The following FNDC3B variants were observed in gnomAD, a reference collection of about 807,000 sequenced individuals.
The protein encoded by FNDC3B is fibronectin type III domain containing 3B.
Under a neutral mutation model 151.5 loss-of-function variants are expected in FNDC3B, and 12 were observed. That is an observed-to-expected ratio of 0.08 (90% CI 0.05 to 0.13). The LOEUF (loss-of-function observed/expected upper bound fraction) is 0.13, where lower values mean the gene tolerates loss of function less well. Among genes scored for constraint, FNDC3B ranks in the 10% least tolerant of loss-of-function variants. The pLI, the probability that FNDC3B is intolerant of heterozygous loss-of-function variation, is 1.00. For missense variants in FNDC3B, 1,214 were observed against 1,505.3 expected (o/e 0.81, Z 3.20); for synonymous variants, 528 against 549.0 (o/e 0.96, Z 0.54).
chr3:172,292,250 C>T (rs1016030279), intron 7 of FNDC3B, among the ~76,000 whole-genome samples: 3 of 152,196 alleles, frequency 2.0e-5, no homozygotes, highest in African/African-American at 7.2e-5. Flanking sequence ...GGAAAGAATT[C>T]ACAGAAACCG....
chr3:172,282,423 G>C (rs1044971680), intron 6 of FNDC3B, among the ~76,000 whole-genome samples: 1 of 152,166 alleles, frequency 6.6e-6, no homozygotes, highest in Non-Finnish European at 1.5e-5. Context: ...CTAGTGACCA[G>C]ACACGATAGG....
chr3:172,300,094 T>C (rs1730830089), intron 9 of FNDC3B, among the ~76,000 whole-genome samples: 1 of 152,238 alleles, frequency 6.6e-6, no homozygotes, highest in African/African-American at 2.4e-5. Flanking sequence ...AAACTTTGGA[T>C]TTTGAGTCAA....
intron 6 of FNDC3B, among the ~76,000 whole-genome samples, chr3:172,267,254 C>G (rs1728972170): frequency 6.6e-6 from 1 of 151,900 alleles, no homozygotes; most frequent in Admixed American, 6.6e-5. Flanking sequence ...CTCCCTGGCT[C>G]AAGCAATCCT....
chr3:172,226,305 C>A (rs79455333), intron 3 of FNDC3B, among the ~76,000 whole-genome samples: 311 of 119,392 alleles, frequency 2.6e-3, no homozygotes, highest in Admixed American at 2.6e-3. Flanking sequence ...AACTCTGTCT[C>A]AAAAAAAAAA....
chr3:172,363,046 C>T (rs914557406), intron 23 of FNDC3B, among the ~76,000 whole-genome samples: 6 of 151,952 alleles, frequency 3.9e-5, no homozygotes, highest in African/African-American at 9.7e-5. Context: ...TCTAAAGATC[C>T]TGATTTCCCT....
chr3:172,239,775 C>CA (rs200097298), intron 4 of FNDC3B, among the ~76,000 whole-genome samples: 30,860 of 70,046 alleles, frequency 0.44, 5,204 homozygotes, highest in African/African-American at 0.59. Context: ...TTAGCTAAGA[C>CA]AAAAAAAAAA....
intron 1 of FNDC3B, among the ~76,000 whole-genome samples, chr3:172,050,880 G>T (rs918175482): frequency 7.2e-5 from 11 of 151,850 alleles, no homozygotes; most frequent in South Asian, 2.1e-4. Flanking sequence ...TTTCTCTGGC[G>T]GTAGGATCAT....
chr3:172,322,660 A>T (rs1271660616), intron 11 of FNDC3B, among the ~76,000 whole-genome samples: 2 of 152,226 alleles, frequency 1.3e-5, no homozygotes, highest in African/African-American at 4.8e-5. Context: ...GTTAGATATA[A>T]GGTCATATAC....
chr3:172,364,091 T>C (rs1734489864), intron 23 of FNDC3B, among the ~76,000 whole-genome samples: 1 of 152,182 alleles, frequency 6.6e-6, no homozygotes, highest in South Asian at 2.1e-4. Context: ...GAGGTAAAGC[T>C]TCTTTTGATA....
At chr3:172,107,219 T>C (rs1719699413) in intron 1 of FNDC3B, among the ~76,000 whole-genome samples, 1 of 152,178 alleles carries the variant, frequency 6.6e-6, no homozygotes, top group South Asian at 2.1e-4. Flanking sequence ...GGGGAGAGGT[T>C]GCGAGGGCCT....
At position 172,177,626 on chromosome 3, in the gene FNDC3B, C is replaced by CTTTTTTTTT. The variant is rs10684671; in HGVS notation, c.187+44093_187+44101dup. On this transcript the variant is annotated intron_variant, in intron 3 of 25. Coordinates refer to ENST00000415807, the MANE Select transcript of FNDC3B (RefSeq NM_022763.4). ...AGGAAGGAATCATTTTTACCACCAT[C>CTTTTTTTTT]TTTTTTTTTTTTTTTTTTTTTGCAC... is the stretch of plus-strand genomic sequence containing the variant. Among the ~76,000 whole-genome samples, 111 of 84,832 alleles carry CTTTTTTTTT rather than the reference C, an allele frequency of 1.3e-3. 10 individuals carry two copies. The highest frequency in any genetic ancestry group is 5.1e-3 in the African/African-American group (104 of 20,520). 55.7% of individuals were successfully genotyped at this position (84,832 alleles called of 152,430 possible).
At chr3:172,179,691 G>A (rs370457114) in intron 3 of FNDC3B, among the ~76,000 whole-genome samples, 4 of 151,858 alleles carry the variant, frequency 2.6e-5, no homozygotes, top group African/African-American at 9.7e-5. Context: ...ATGTTAGCCT[G>A]GGCAACATGG....
At chr3:172,093,036 T>A (rs1718918150) in intron 1 of FNDC3B, among the ~76,000 whole-genome samples, 1 of 152,126 alleles carries the variant, frequency 6.6e-6, no homozygotes, top group African/African-American at 2.4e-5. Context: ...CAGGCTGGTC[T>A]TGAACTACTG....
intron 6 of FNDC3B, among the ~76,000 whole-genome samples, chr3:172,271,124 T>A (rs181282966): frequency 1.4e-4 from 21 of 152,316 alleles, no homozygotes; most frequent in Admixed American, 3.9e-4. Context: ...CCTCTTTAGG[T>A]GTTTGTAGAG....
At chr3:172,396,832 CA>C (rs1321996284) in intron 25 of FNDC3B, among the ~76,000 whole-genome samples, 39 of 152,304 alleles carry the variant, frequency 2.6e-4, no homozygotes, top group African/African-American at 8.9e-4. Context: ...CCCTGGTGCC[CA>C]AAAGGTTGGG....
chr3:172,395,411 A>G (rs1384358814), intron 25 of FNDC3B, among the ~76,000 whole-genome samples: 1 of 152,180 alleles, frequency 6.6e-6, no homozygotes, highest in East Asian at 1.9e-4. Context: ...AGTCAACCAA[A>G]ATGTGATAAT....
intron 7 of FNDC3B, among the ~76,000 whole-genome samples, chr3:172,289,086 C>A (rs1193996444): frequency 6.6e-6 from 1 of 152,166 alleles, no homozygotes; most frequent in Non-Finnish European, 1.5e-5. Flanking sequence ...GGTCTAGAGG[C>A]CAGAAAGTCC....
At position 172,249,519 on chromosome 3, in the gene FNDC3B, C is replaced by A. The variant is rs552927694; in HGVS notation, c.509-1741C>A. On this transcript the variant is annotated intron_variant, in intron 5 of 25. Transcript: ENST00000415807. The stretch of plus-strand genomic sequence containing the variant: ...TTTATAAATAAGCCATTGATATATT[C>A]TTTTACCTTAGTTCTTAGTGTGCAT... Among the ~76,000 whole-genome samples, 25 of 152,194 alleles carry A rather than the reference C, an allele frequency of 1.6e-4. 1 individual carries two copies. The South Asian group carries it at 5.2e-3, about 32-fold the overall frequency.
chr3:172,368,271 TAAAA>T (rs140694988), intron 23 of FNDC3B, among the ~76,000 whole-genome samples: 26,023 of 139,948 alleles, frequency 0.19, 2,934 homozygotes, highest in East Asian at 0.54. Flanking sequence ...CCCAGACTCT[TAAAA>T]AAAAAAAAAA....
Sources: gnomAD v4.1 joint callset for allele counts (sites outside exome capture counted in the v4.1 genomes callset) on GRCh38, gnomAD v4.1.1 for gene constraint, MANE v1.5 for transcripts, NCBI Gene and HGNC (gene_info 2026-07-23, HGNC 2026-07-21) for gene names.